The following DNAH6 variants were observed in gnomAD, a reference collection of about 807,000 sequenced individuals.
DNAH6 encodes dynein axonemal heavy chain 6, also known as axonemal beta dynein heavy chain 6.
In DNAH6, 340 loss-of-function variants were observed where a neutral mutation model predicts 491.4. That is an observed-to-expected ratio of 0.69 (90% CI 0.63 to 0.76). The LOEUF is 0.76. DNAH6 is among the 30% of genes least tolerant of loss of function. The probability of loss-of-function intolerance (pLI) is 0.00; values close to 1 mark genes in which losing one functional copy is unlikely to be tolerated. For synonymous variants in DNAH6, 1,603 were observed against 1,686.1 expected (o/e 0.95, Z 1.21); for missense variants, 4,443 against 4,972.2 (o/e 0.89, Z 3.20).
the DNAH6 span, among the ~76,000 whole-genome samples, chr2:84,504,640 G>A: frequency 6.6e-6 from 1 of 152,172 alleles, no homozygotes; most frequent in East Asian, 1.9e-4. Flanking sequence ...CAGTAACACT[G>A]TGGTTTTTGC....
chr2:84,713,403 C>A, intron 57 of DNAH6, 144 bp downstream of exon 57: 1 of 772,590 alleles, frequency 1.3e-6, no homozygotes, highest in Non-Finnish European at 2.0e-6. Context: ...CTTCCACCAT[C>A]TTCCATTCTT....
intron 56 of DNAH6, among the ~76,000 whole-genome samples, chr2:84,712,149 A>G (rs907642184): frequency 6.6e-6 from 1 of 152,238 alleles, no homozygotes; most frequent in South Asian, 2.1e-4. Context: ...GGTGTATTCA[A>G]ACTTTGTCTC....
chr2:84,599,273 T>A (rs1465916429), intron 18 of DNAH6, among the ~76,000 whole-genome samples: 2 of 152,138 alleles, frequency 1.3e-5, no homozygotes, highest in African/African-American at 2.4e-5. Flanking sequence ...TCCAGTCAGT[T>A]GCTTGTCTTT....
intron 4 of DNAH6, among the ~76,000 whole-genome samples, chr2:84,539,830 A>G (rs922229914): frequency 2.6e-4 from 40 of 152,116 alleles, no homozygotes; most frequent in Non-Finnish European, 4.4e-5. Flanking sequence ...TCTTTACCAG[A>G]TATTTTGCCA....
chr2:84,736,601 A>G (rs144801966), intron 62 of DNAH6, among the ~76,000 whole-genome samples: 1 of 152,140 alleles, frequency 6.6e-6, no homozygotes, highest in Admixed American at 6.5e-5. Flanking sequence ...GCTATTTTAA[A>G]TGGGATTGCA....
intron 4 of DNAH6, among the ~76,000 whole-genome samples, chr2:84,533,674 A>G (rs1677396564): frequency 6.6e-6 from 1 of 152,174 alleles, no homozygotes; most frequent in African/African-American, 2.4e-5. Context: ...TGAGGAGATA[A>G]CTTTTCAATC....
the DNAH6 span, among the ~76,000 whole-genome samples, chr2:84,469,154 A>AT: frequency 4.6e-5 from 7 of 152,028 alleles, no homozygotes; most frequent in African/African-American, 7.3e-5. The surrounding 1 kb of genome is among the most constrained non-coding windows in gnomAD (Gnocchi z 4.0). Flanking sequence ...ATAAACACTG[A>AT]TTTTTTTTCC....
rs1054889302 is a variant in DNAH6, at chr2:84,733,547, A to C, written c.10310A>C (p.Asn3437Thr). The change falls in exon 62 of 77, where the codon AAT (asparagine) becomes ACT (threonine). Residue 3437 changes from asparagine to threonine, a missense_variant. Transcript: ENST00000389394. ...SFPVFHGLTQ[N>T]ILSHPISIRL... ...CCAGTTTTTCACGGACTTACCCAAAATATATTGTCACATCCTATTTCCATA... is the reference window on the plus strand; with the variant it reads ...CCAGTTTTTCACGGACTTACCCAAACTATATTGTCACATCCTATTTCCATA... 114 of 1,551,610 alleles carry C rather than the reference A, an allele frequency of 7.3e-5. No individual in the cohort carries two copies. Among genetic ancestry groups the C allele is most frequent in the Non-Finnish European group, 7.1e-5 (82 of 1,146,996 alleles).
At chr2:84,781,302 T>A (rs777403946) in intron 64 of DNAH6, among the ~76,000 whole-genome samples, 191 bp from the exon 65 acceptor site, 4 of 152,192 alleles carry the variant, frequency 2.6e-5, no homozygotes, top group Non-Finnish European at 5.9e-5. Flanking sequence ...TTTTTGCACT[T>A]TTCTATGTGG....
chr2:84,768,870 C>A (rs547124634), intron 64 of DNAH6, among the ~76,000 whole-genome samples: 114 of 152,242 alleles, frequency 7.5e-4, no homozygotes, highest in Non-Finnish European at 1.2e-3. Context: ...CAAGAATAAC[C>A]AAGCCAGGTG....
Position 84,705,433 on chromosome 2 carries a change from G to C in DNAH6, c.8466-53G>C, listed in dbSNP as rs1696336473. The stretch of plus-strand genomic sequence containing the variant: ...TGTTCTCAAAGAAATACATTCTTTT[G>C]TTCTTATATTACTTCATTTCAGTGC... On this transcript the variant is annotated intron_variant, in intron 51 of 76. Transcript: ENST00000389394. The C allele has an allele frequency of 4.9e-6, 7 of 1,414,244 alleles. No individual in the cohort carries two copies. The South Asian group carries it at 1.0e-4, about 21-fold the overall frequency. The allele number at this position is 1,414,244 out of a possible 1,614,324, so 87.6% of individuals were successfully genotyped here.
intron 46 of DNAH6, 28 bp from the exon 47 acceptor site, chr2:84,697,547 T>C (rs1321413916): frequency 3.3e-6 from 5 of 1,516,896 alleles, no homozygotes; most frequent in Non-Finnish European, 2.7e-6. Context: ...ATTGAGCAAG[T>C]TGTAATGATC....
intron 33 of DNAH6, among the ~76,000 whole-genome samples, chr2:84,649,328 T>C (rs1331719555): frequency 6.6e-6 from 1 of 152,186 alleles, no homozygotes; most frequent in Non-Finnish European, 1.5e-5. Context: ...CAATGAATGG[T>C]AATACGATGT....
chr2:84,552,458 G>A (rs1679486370), intron 9 of DNAH6, among the ~76,000 whole-genome samples: 1 of 152,142 alleles, frequency 6.6e-6, no homozygotes. Flanking sequence ...ATAAGGAGGT[G>A]AATTCATCAT....
chr2:84,592,881 C>T (rs1684242618), intron 16 of DNAH6, among the ~76,000 whole-genome samples: 1 of 152,008 alleles, frequency 6.6e-6, no homozygotes, highest in Non-Finnish European at 1.5e-5. Flanking sequence ...CTAAAGTAGT[C>T]AAACTCATAT....
At chr2:84,759,694 G>C (rs894241525) in intron 63 of DNAH6, among the ~76,000 whole-genome samples, 1 of 152,018 alleles carries the variant, frequency 6.6e-6, no homozygotes, top group Non-Finnish European at 1.5e-5. Context: ...ATACTGTCCA[G>C]AGCAATCCAC....
At chr2:84,486,028 G>A in the DNAH6 span, among the ~76,000 whole-genome samples, 58 of 152,180 alleles carry the variant, frequency 3.8e-4, no homozygotes, top group Middle Eastern at 3.4e-3. Flanking sequence ...AAATACTTGC[G>A]ATACTAAGTT....
rs748489592 is a variant in DNAH6, at chr2:84,619,771, G to A, written c.3659G>A (p.Cys1220Tyr). The A allele has an allele frequency of 4.3e-5, 66 of 1,551,496 alleles. No homozygotes were observed. The highest frequency in any genetic ancestry group is 5.5e-5 in the Non-Finnish European group (63 of 1,146,876). The change falls in exon 24 of 77, where the codon TGC (cysteine) becomes TAC (tyrosine). Residue 1220 changes from cysteine to tyrosine, a missense_variant. Transcript: ENST00000389394. ...PQAVQPHLRK[C>Y]FDSISKLEFA... is the part of the protein sequence containing the mutation. ...GCCGTGCAGCCACACTTAAGGAAAT[G>A]CTTCGACTCCATTTCAAAGCTCGAA... is the stretch of plus-strand genomic sequence containing the variant.
chr2:84,666,503 T>C (rs1379758627), intron 37 of DNAH6, among the ~76,000 whole-genome samples: 1 of 152,094 alleles, frequency 6.6e-6, no homozygotes, highest in Admixed American at 6.5e-5. Context: ...CCATTCACAA[T>C]TGCTTCAAAG....
Sources: gnomAD v4.1 joint callset for allele counts (sites outside exome capture counted in the v4.1 genomes callset) on GRCh38, gnomAD v4.1.1 for gene constraint, Gnocchi (gnomAD v3.1) non-coding constraint, MANE v1.5 for transcripts, NCBI Gene and HGNC (gene_info 2026-07-23, HGNC 2026-07-21) for gene names.